Variants in TJP1 observed in about 807,000 individuals in gnomAD.
TJP1 encodes the protein tight junction protein ZO-1.
TJP1 carries 43 observed loss-of-function variants against 194.2 expected under a neutral mutation model. The ratio of observed to expected loss-of-function variants is 0.22; its 90% CI spans 0.17 to 0.29. TJP1 has a LOEUF of 0.29. Among genes scored for constraint, TJP1 ranks in the 10% least tolerant of loss-of-function variants. TJP1 has a pLI of 1.00. For missense variants in TJP1, 1,971 were observed against 2,185.7 expected, an observed-to-expected ratio of 0.90 and a Z score of 1.96; for synonymous variants, 801 against 779.0, an observed-to-expected ratio of 1.03 and a Z score of -0.47.
At chr15:29,950,442 C>T (rs2055702553) in intron 2 of TJP1, among the ~76,000 whole-genome samples, 1 of 151,974 alleles carries the variant, frequency 6.6e-6, no homozygotes, top group South Asian at 2.1e-4. Flanking sequence ...CCACCACCTC[C>T]TCTTCCACCA....
chr15:29,928,896 C>T (rs2054612924), intron 2 of TJP1, among the ~76,000 whole-genome samples: 1 of 151,952 alleles, frequency 6.6e-6, no homozygotes, highest in Non-Finnish European at 1.5e-5. Flanking sequence ...GAGCCGAGAT[C>T]TCGCCATTGC....
At chr15:29,925,236 T>C (rs930882319) in intron 2 of TJP1, among the ~76,000 whole-genome samples, 2 of 152,208 alleles carry the variant, frequency 1.3e-5, no homozygotes, top group Non-Finnish European at 2.9e-5. Context: ...AATTTACCTT[T>C]CTTTCAGAAT....
chr15:29,961,258 G>A (rs2056145380), intron 1 of TJP1, among the ~76,000 whole-genome samples: 1 of 150,886 alleles, frequency 6.6e-6, no homozygotes. Flanking sequence ...GGCCCTTTAT[G>A]ACAGGGAAAT....
At chr15:29,783,687 C>T (rs144452192) in intron 2 of TJP1, among the ~76,000 whole-genome samples, 2,799 of 152,302 alleles carry the variant, frequency 0.018, 41 homozygotes, top group Non-Finnish European at 0.031. Flanking sequence ...AGGCCATCAT[C>T]CTTAGCAAAC....
intron 15 of TJP1, chr15:29,729,486 G>A (rs1464698952): frequency 6.6e-6 from 1 of 152,076 alleles, no homozygotes; most frequent in Non-Finnish European, 1.5e-5. Context: ...AAAAGATGAT[G>A]TTCTGATTCT....
At chr15:29,929,456 G>A (rs2054631427) in intron 2 of TJP1, among the ~76,000 whole-genome samples, 1 of 152,168 alleles carries the variant, frequency 6.6e-6, no homozygotes, top group African/African-American at 2.4e-5. Context: ...CAGCTCTTTG[G>A]GAGGCCGGGG....
At chr15:29,720,740 A>T in intron 18 of TJP1, 32 bp from the exon 19 acceptor site, 1 of 1,520,408 alleles carries the variant, frequency 6.6e-7, no homozygotes, top group Non-Finnish European at 8.9e-7. Context: ...TACAAATTTT[A>T]TTCAGTAGTT....
At position 29,884,113 on chromosome 15, in the gene TJP1, T is replaced by C. The variant is rs2053032646; in HGVS notation, c.306+72119A>G. On this transcript the variant is annotated intron_variant, in intron 2 of 28. Transcript: ENST00000356107. ...TTTGAAAGCACACCTTTTCCTCCTA[T>C]ATTATGCAGCATGTGGTCATAATTT... 2.0e-5 allele frequency among the ~76,000 whole-genome samples: 3 copies of C among 152,246 alleles called. No homozygotes were observed. In the South Asian group the frequency reaches 6.2e-4, roughly 31 times the overall value.
intron 1 of TJP1, among the ~76,000 whole-genome samples, chr15:29,805,364 C>T (rs1272087763): frequency 1.3e-5 from 2 of 152,078 alleles, no homozygotes; most frequent in African/African-American, 4.8e-5. Flanking sequence ...GATAGGAGGG[C>T]ACAATAACTG....
chr15:29,939,101 T>A (rs1596292884), intron 2 of TJP1, among the ~76,000 whole-genome samples: 1 of 152,346 alleles, frequency 6.6e-6, no homozygotes, highest in Middle Eastern at 3.4e-3. Context: ...TGCTGGATTA[T>A]GGAGACAACA....
intron 8 of TJP1, among the ~76,000 whole-genome samples, chr15:29,750,888 A>C (rs1235717522): frequency 1.3e-5 from 2 of 152,268 alleles, no homozygotes; most frequent in Non-Finnish European, 2.9e-5. Flanking sequence ...GCATTGGATT[A>C]TCTCAACCAC....
In TJP1 at chr15:29,705,618, G is replaced by A; in HGVS notation, c.4978C>T (p.Gln1660Ter). The change falls in exon 26 of 28, where the codon CAA (glutamine) becomes TAA (stop). Residue 1660 changes from glutamine to a stop codon, truncating the protein, a stop_gained. Coordinates refer to ENST00000614355, the MANE Select transcript of TJP1 (RefSeq NM_001330239.4). LOFTEE classifies it high-confidence loss of function. ...IETGVSIIIP[Q>*]GAIPEGVEQE... Reference sequence around the variant, plus strand: ...TCAACTCCTTCGGGAATGGCTCCTTGAGGGATAATTATACTAACACCAGTT... The same window carrying A: ...TCAACTCCTTCGGGAATGGCTCCTTAAGGGATAATTATACTAACACCAGTT... 1 of 1,614,176 alleles carries A rather than the reference G, an allele frequency of 6.2e-7. No individual in the cohort carries two copies. The highest frequency in any genetic ancestry group is 8.5e-7 in the Non-Finnish European group (1 of 1,180,040).
chr15:29,862,647 CTTTTTT>C (rs11305773), intron 2 of TJP1, among the ~76,000 whole-genome samples: 1 of 101,310 alleles, frequency 9.9e-6, no homozygotes. Flanking sequence ...TTTTTCTTTT[CTTTTTT>C]TTTTTTTTTT....
At chr15:29,849,397 T>C (rs1454140309) in intron 2 of TJP1, among the ~76,000 whole-genome samples, 1 of 151,280 alleles carries the variant, frequency 6.6e-6, no homozygotes, top group Admixed American at 6.6e-5. Flanking sequence ...ACTGTTTTAA[T>C]GTGGGCTTAG....
At chr15:29,820,234 G>A (rs906678405) in intron 1 of TJP1, among the ~76,000 whole-genome samples, 1 of 150,286 alleles carries the variant, frequency 6.7e-6, no homozygotes, top group African/African-American at 2.5e-5. Context: ...ACTGAGTCCA[G>A]CCTGGCTCTT....
chr15:29,798,918 T>C (rs954279371), intron 2 of TJP1, among the ~76,000 whole-genome samples: 1 of 152,232 alleles, frequency 6.6e-6, no homozygotes, highest in Non-Finnish European at 1.5e-5. Context: ...CTACATGTTG[T>C]ATGAGTCCAT....
At position 29,700,250 on chromosome 15, in the gene TJP1, G is replaced by C. The variant is rs2041458921; in HGVS notation, c.*1345C>G. On this transcript the variant is annotated 3_prime_UTR_variant, in exon 28 of 28. Coordinates refer to ENST00000614355, the MANE Select transcript of TJP1 (RefSeq NM_001330239.4). ...CACCTAATGATTAACAGAATGTAGT[G>C]GTGTATTATCTAAACAGAAATCGTG... 1 of 398,762 alleles carries C rather than the reference G, an allele frequency of 2.5e-6. No individual in the cohort carries two copies. The highest frequency in any genetic ancestry group is 2.1e-5 in the African/African-American group (1 of 48,582). The allele number at this position is 398,762 out of a possible 1,614,324, so 24.7% of individuals were successfully genotyped here. A position where few individuals can be genotyped will look rare whatever the true frequency, so the allele number is the denominator to read the frequency against.
At position 29,776,927 on chromosome 15, in the gene TJP1, A is replaced by G. The variant is rs140759666; in HGVS notation, c.85-3570T>C. On this transcript the variant is annotated intron_variant, in intron 2 of 27. Transcript: ENST00000614355. ...TTGTTCTCCTTGAAGCAAGGTACTCATTCATTTTGGAGAAATATGTTTGTC... is the reference window on the plus strand; with the variant it reads ...TTGTTCTCCTTGAAGCAAGGTACTCGTTCATTTTGGAGAAATATGTTTGTC... Among the ~76,000 whole-genome samples, 642 of 152,266 alleles carry G rather than the reference A, an allele frequency of 4.2e-3. 4 individuals carry two copies. The highest frequency in any genetic ancestry group is 0.015 in the African/African-American group (615 of 41,552).
At chr15:29,743,192 A>G (rs2044539437) in intron 8 of TJP1, among the ~76,000 whole-genome samples, 1 of 152,222 alleles carries the variant, frequency 6.6e-6, no homozygotes, top group Non-Finnish European at 1.5e-5. Flanking sequence ...AAACATTCAC[A>G]TAATCAACAG....
Sources: gnomAD v4.1 joint callset for allele counts (sites outside exome capture counted in the v4.1 genomes callset) on GRCh38, gnomAD v4.1.1 for gene constraint, MANE v1.5 for transcripts, NCBI Gene and HGNC (gene_info 2026-07-23, HGNC 2026-07-21) for gene names.